MCM4: variants seen among roughly 807,000 people sequenced by gnomAD.
MCM4 encodes DNA replication licensing factor MCM4.
MCM4 carries 60 observed loss-of-function variants against 88.7 expected under a neutral mutation model. The observed-to-expected ratio is 0.68, with a 90% CI of 0.55 to 0.84. The LOEUF is 0.84. MCM4 is among the 40% of genes least tolerant of loss of function. The pLI, the probability that MCM4 is intolerant of heterozygous loss-of-function variation, is 0.00. For synonymous variants in MCM4, 465 were observed against 410.5 expected (o/e 1.13, Z -1.61); for missense variants, 1,149 against 1,105.5 (o/e 1.04, Z -0.56).
chr8:47,962,845 C>T lies in MCM4; in HGVS notation c.583C>T (p.Gln195Ter). The T allele has an allele frequency of 6.2e-7, 1 of 1,605,888 alleles. No individual in the cohort carries two copies. Among genetic ancestry groups the T allele is most frequent in the Non-Finnish European group, 8.5e-7 (1 of 1,177,024 alleles). Residue 195 changes from glutamine to a stop codon, truncating the protein, a stop_gained, in exon 6 of 17, where the codon CAA becomes TAA. Coordinates refer to ENST00000649973, the MANE Select transcript of MCM4 (RefSeq NM_182746.3). LOFTEE classifies it high-confidence loss of function. ...GIDITEPLYM[Q>*]RLGEINVIGE... ...AGATATTACTGAACCTCTATACATG[C>T]AACGACTTGGGGAGGTAATCAAATA...
Position 47,974,925 on chromosome 8 carries a change from C to T in MCM4, c.2328C>T (p.Pro776=). ...CTCTGAAGCAGTCTGCAACTGATCC[C>T]CGGACTGGCATCGTGGACATATCTA... is the stretch of plus-strand genomic sequence containing the variant. ...REALKQSATD[P]RTGIVDISIL... is the part of the protein sequence containing the mutation. Residue 776 remains proline, a synonymous_variant, in exon 15 of 17, where the codon CCC becomes CCT. Coordinates refer to ENST00000649973, the MANE Select transcript of MCM4 (RefSeq NM_182746.3). The T allele has an allele frequency of 6.2e-7, 1 of 1,614,212 alleles. No individual in the cohort carries two copies. Among genetic ancestry groups the T allele is most frequent in the Non-Finnish European group, 8.5e-7 (1 of 1,180,028 alleles).
At chr8:47,965,930 G>A (rs2090894120) in intron 8 of MCM4, among the ~76,000 whole-genome samples, 2 of 152,162 alleles carry the variant, frequency 1.3e-5, no homozygotes, top group African/African-American at 4.8e-5. Flanking sequence ...GGCCAGGTGA[G>A]TGAGGCAGGA....
Position 47,976,882 on chromosome 8 carries a change from A to C in MCM4, c.*104A>C. Reference sequence around the variant, plus strand: ...CGCCATCAGTGTAAATAGAGCTTAAAGTCATGGTTTGGCTGCATAAAAATT... The same window carrying C: ...CGCCATCAGTGTAAATAGAGCTTAACGTCATGGTTTGGCTGCATAAAAATT... On this transcript the variant is annotated 3_prime_UTR_variant, in exon 17 of 17. Transcript: ENST00000649973. 1 of 694,892 alleles carries C rather than the reference A, an allele frequency of 1.4e-6. No homozygotes were observed. Among genetic ancestry groups the C allele is most frequent in the South Asian group, 1.7e-5 (1 of 58,980 alleles). 43.0% of individuals were successfully genotyped at this position (694,892 alleles called of 1,614,324 possible).
chr8:47,962,104 GCT>G lies in MCM4; in HGVS notation c.291_292del (p.Arg98GlyfsTer10). On this transcript the variant is annotated frameshift_variant, in exon 4 of 17. Transcript: ENST00000649973. LOFTEE classifies it high-confidence loss of function. ...TCACCACTGACATACGGCACTCCCA[GCT>G]CTCGGGTAGAGGGAACCCCAAGAAG... 1 of 1,614,190 alleles carries G rather than the reference GCT, an allele frequency of 6.2e-7. No individual in the cohort carries two copies. Among genetic ancestry groups the G allele is most frequent in the Non-Finnish European group, 8.5e-7 (1 of 1,180,032 alleles).
At chr8:47,975,613 C>G in intron 15 of MCM4, 102 bp from the exon 16 acceptor site, 1 of 848,122 alleles carries the variant, frequency 1.2e-6, no homozygotes, top group South Asian at 2.4e-5. Flanking sequence ...CCCCTGTCGC[C>G]TTATCTTTCT....
Position 47,962,213 on chromosome 8 carries a change from C to G in MCM4, c.396C>G (p.Asp132Glu). Reference sequence around the variant, plus strand: ...GCCTGCAAGTGGATCTGCAGTCTGACGGGGTGAGTATGCAGTCTCCTGAAA... The same window carrying G: ...GCCTGCAAGTGGATCTGCAGTCTGAGGGGGTGAGTATGCAGTCTCCTGAAA... ...QKGLQVDLQS[D>E]GAAAEDIVAS... The change falls in exon 4 of 17, where the codon GAC becomes GAG. Residue 132 changes from aspartate (D) to glutamate (E), a missense_variant. By Grantham distance (45) the Asp-to-Glu change is conservative (BLOSUM62 2). Coordinates refer to ENST00000649973, the MANE Select transcript of MCM4 (RefSeq NM_182746.3). 1 of 1,614,084 alleles carries G rather than the reference C, an allele frequency of 6.2e-7. No individual in the cohort carries two copies. The highest frequency in any genetic ancestry group is 8.5e-7 in the Non-Finnish European group (1 of 1,180,012).
rs527497213 is a variant in MCM4 at position 47,968,447 on chromosome 8, GTATT to G, written c.1174+965_1174+968del. Among the ~76,000 whole-genome samples, 12 of 152,306 alleles carry G rather than the reference GTATT, an allele frequency of 7.9e-5. No individual in the cohort carries two copies. The South Asian group carries it at 2.5e-3, about 32-fold the overall frequency. On this transcript the variant is annotated intron_variant, in intron 10 of 16. Coordinates refer to ENST00000649973, the MANE Select transcript of MCM4 (RefSeq NM_182746.3). ...CTGCTACCCTGAAACCTTTGATAAAGTATTTAGTCCAATATTTTTGTTTCCTCAC... is the reference window on the plus strand; with the variant it reads ...CTGCTACCCTGAAACCTTTGATAAAGTAGTCCAATATTTTTGTTTCCTCAC...
chr8:47,963,520 C>T (rs1245885287), intron 7 of MCM4, among the ~76,000 whole-genome samples: 1 of 151,862 alleles, frequency 6.6e-6, no homozygotes, highest in Non-Finnish European at 1.5e-5. Context: ...TTTAATGTTC[C>T]TGAAAGTGGG....
rs2090834216 is a variant in MCM4 at position 47,961,513 on chromosome 8, A to G, written c.71-3A>G. On this transcript the variant is annotated splice_polypyrimidine_tract_variant and splice_region_variant and intron_variant, in intron 2 of 16. Transcript: ENST00000649973. ...CTGTCTTTTCTGTTTTGTGTGACAC[A>G]AGCTCGGAGTGAGGATGCCAGGTCA... The G allele has an allele frequency of 6.2e-7, 1 of 1,613,928 alleles. No individual in the cohort carries two copies. The highest frequency in any genetic ancestry group is 1.3e-5 in the African/African-American group (1 of 75,056).
At chr8:47,975,261 G>C (rs934503108) in intron 15 of MCM4, 8 of 272,346 alleles carry the variant, frequency 2.9e-5, no homozygotes, top group African/African-American at 1.8e-4. Context: ...CATGTGCCAT[G>C]TTGGTGTGCT....
intron 12 of MCM4, 133 bp downstream of exon 12, chr8:47,971,009 A>G (rs1234631070): frequency 9.1e-7 from 1 of 1,102,324 alleles, no homozygotes; most frequent in Non-Finnish European, 1.3e-6. Flanking sequence ...TCCACATCAT[A>G]TTTCAGCTAA....
At position 47,977,025 on chromosome 8, in the gene MCM4, G is replaced by A. The variant is rs1244418334; in HGVS notation, c.*247G>A. The A allele has an allele frequency of 3.2e-5, 9 of 285,548 alleles. No homozygotes were observed. The highest frequency in any genetic ancestry group is 1.3e-3 in the Middle Eastern group (1 of 798). The allele number at this position is 285,548 out of a possible 1,614,324, so 17.7% of individuals were successfully genotyped here. On this transcript the variant is annotated 3_prime_UTR_variant, in exon 17 of 17. Transcript: ENST00000649973. ...TCACACCTGTAATCCCAGCACTTTGGGAGGCCAATGTGGGTGGATCATGAG... is the reference window on the plus strand; with the variant it reads ...TCACACCTGTAATCCCAGCACTTTGAGAGGCCAATGTGGGTGGATCATGAG...
Position 47,961,019 on chromosome 8 carries a change from C to A in MCM4, c.-15+5C>A. On this transcript the variant is annotated splice_donor_5th_base_variant and intron_variant, in intron 1 of 16. Coordinates refer to ENST00000649973, the MANE Select transcript of MCM4 (RefSeq NM_182746.3). ...GCAAGCGGCCGCCTTTCCACGGTAA[C>A]CGCGCGCCGGCGGGGAGGGCGTGGC... The A allele has an allele frequency of 1.9e-6, 2 of 1,067,678 alleles. No individual in the cohort carries two copies. The highest frequency in any genetic ancestry group is 2.5e-6 in the Non-Finnish European group (2 of 790,934). 66.1% of individuals were successfully genotyped at this position (1,067,678 alleles called of 1,614,324 possible).
At chr8:47,972,465 C>T (rs1589833251) in intron 13 of MCM4, among the ~76,000 whole-genome samples, 1 of 152,112 alleles carries the variant, frequency 6.6e-6, no homozygotes, top group Admixed American at 6.6e-5. Context: ...ATTGACTGCA[C>T]ATCTGTGGTG....
At chr8:47,971,535 T>C (rs2090953782) in intron 13 of MCM4, 67 bp downstream of exon 13, 1 of 1,546,818 alleles carries the variant, frequency 6.5e-7, no homozygotes, top group Non-Finnish European at 8.9e-7. Flanking sequence ...AAGGAGCTAC[T>C]AAGATTTCAG....
chr8:47,975,190 T>G, intron 15 of MCM4: 1 of 443,248 alleles, frequency 2.3e-6, no homozygotes, highest in Non-Finnish European at 4.0e-6. Context: ...TTGTTTTTTT[T>G]TTTTATACTT....
chr8:47,962,716 C>G (rs763658897), intron 5 of MCM4, 48 bp from the exon 6 acceptor site: 5 of 1,069,584 alleles, frequency 4.7e-6, no homozygotes, highest in Admixed American at 4.4e-5. Flanking sequence ...TAGTAGTTGC[C>G]TGTTCCCAAA....
Position 47,973,154 on chromosome 8 carries a change from T to C in MCM4, c.2136+90T>C, listed in dbSNP as rs1589833750. On this transcript the variant is annotated intron_variant, in intron 14 of 16. Coordinates refer to ENST00000649973, the MANE Select transcript of MCM4 (RefSeq NM_182746.3). ...ATCTCCTTTAAAATATTAATTATTT[T>C]GTTACGAATAACATACTGTTCTCTT... 3.4e-6 allele frequency: 4 copies of C among 1,166,222 alleles called. No individual in the cohort carries two copies. In the African/African-American group the frequency reaches 4.6e-5, roughly 13 times the overall value. 72.2% of individuals were successfully genotyped at this position (1,166,222 alleles called of 1,614,324 possible).
chr8:47,968,956 A>C (rs1237510779), intron 10 of MCM4: 2 of 152,176 alleles, frequency 1.3e-5, no homozygotes, highest in African/African-American at 4.8e-5. Context: ...TCTAGTTTTA[A>C]TGACTGGAGG....
Sources: gnomAD v4.1 joint callset for allele counts (sites outside exome capture counted in the v4.1 genomes callset) on GRCh38, gnomAD v4.1.1 for gene constraint, MANE v1.5 for transcripts, NCBI Gene and HGNC (gene_info 2026-07-23, HGNC 2026-07-21) for gene names.